The following NPEPPS variants were observed in gnomAD, a reference collection of about 807,000 sequenced individuals.
NPEPPS encodes the protein puromycin-sensitive aminopeptidase.
NPEPPS carries 14 observed loss-of-function variants against 115.5 expected under a neutral mutation model. The ratio of observed to expected loss-of-function variants is 0.12; its 90% CI spans 0.08 to 0.19. The LOEUF is 0.19. NPEPPS is among the 10% of genes least tolerant of loss of function. The pLI, the probability that NPEPPS is intolerant of heterozygous loss-of-function variation, is 1.00. For synonymous variants in NPEPPS, 285 were observed against 390.6 expected (o/e 0.73, Z 3.19); for missense variants, 523 against 1,110.8 (o/e 0.47, Z 7.52).
upstream of NPEPPS, among the ~76,000 whole-genome samples, chr17:47,529,845 GC>G (rs1013059556): frequency 8.3e-5 from 11 of 133,192 alleles, no homozygotes; most frequent in African/African-American, 3.0e-4. Context: ...CATTAAAGAG[GC>G]CATGATTGCT....
intron 9 of NPEPPS, among the ~76,000 whole-genome samples, chr17:47,588,564 CAAA>C (rs143068684): frequency 7.5e-6 from 1 of 132,812 alleles, no homozygotes. Flanking sequence ...AACTCCATCT[CAAA>C]AAAAAAAAAA....
At chr17:47,568,177 T>C (rs1431014399) in intron 2 of NPEPPS, among the ~76,000 whole-genome samples, 4 of 151,376 alleles carry the variant, frequency 2.6e-5, no homozygotes, top group African/African-American at 9.7e-5. Flanking sequence ...TTTTTTTCTT[T>C]TTTTGAGACA....
At chr17:47,537,945 G>C (rs1470439665) in intron 1 of NPEPPS, among the ~76,000 whole-genome samples, 11 of 149,788 alleles carry the variant, frequency 7.3e-5, no homozygotes, top group African/African-American at 2.7e-4. Context: ...CCAGGCTGGA[G>C]TGCAGTGGCA....
At chr17:47,605,195 T>C (rs762947545) in intron 16 of NPEPPS, 138 bp from the exon 17 acceptor site, 10 of 519,720 alleles carry the variant, frequency 1.9e-5, no homozygotes, top group Non-Finnish European at 3.4e-5. Flanking sequence ...ATTTTTATGC[T>C]AACAGTGTTC....
chr17:47,573,923 A>T (rs1439013058), intron 3 of NPEPPS, among the ~76,000 whole-genome samples: 1 of 151,850 alleles, frequency 6.6e-6, no homozygotes, highest in Non-Finnish European at 1.5e-5. Flanking sequence ...ATTACAGACT[A>T]TATATATTCT....
At chr17:47,606,488 A>T in intron 17 of NPEPPS, among the ~76,000 whole-genome samples, 2 of 145,666 alleles carry the variant, frequency 1.4e-5, no homozygotes, top group African/African-American at 2.6e-5. Context: ...ATGGAGTTTC[A>T]CTCTTGTCAC....
At chr17:47,621,268 A>G (rs1284906468) in intron 22 of NPEPPS, among the ~76,000 whole-genome samples, 1 of 152,090 alleles carries the variant, frequency 6.6e-6, no homozygotes, top group African/African-American at 2.4e-5. Context: ...CATCCCTTAC[A>G]AATTAATCTT....
Position 47,622,938 on chromosome 17 carries a change from G to A in NPEPPS, c.*1018G>A. On this transcript the variant is annotated 3_prime_UTR_variant, in exon 23 of 23. Coordinates refer to ENST00000322157, the MANE Select transcript of NPEPPS (RefSeq NM_006310.4). ...AGAAGTCAGTGGTAACTGCTGCAGG[G>A]CTTAATACATTAGTGGTAACTGGTT... The A allele has an allele frequency of 2.2e-6, 1 of 455,922 alleles. No individual in the cohort carries two copies. The highest frequency in any genetic ancestry group is 1.5e-5 in the South Asian group (1 of 64,550). The allele number at this position is 455,922 out of a possible 1,614,324, so 28.2% of individuals were successfully genotyped here.
intron 19 of NPEPPS, among the ~76,000 whole-genome samples, chr17:47,615,471 C>T (rs1005567822): frequency 2.0e-5 from 3 of 152,220 alleles, no homozygotes; most frequent in African/African-American, 4.8e-5. Flanking sequence ...GCAGGAGGAG[C>T]GCTTGAGCCC....
chr17:47,611,381 C>T (rs1275793245), intron 17 of NPEPPS, among the ~76,000 whole-genome samples: 2 of 151,502 alleles, frequency 1.3e-5, no homozygotes, highest in African/African-American at 4.8e-5. Flanking sequence ...ATTGCTTGAA[C>T]CTGGGAGGTG....
chr17:47,538,045 C>G (rs1447220281), intron 1 of NPEPPS, among the ~76,000 whole-genome samples: 4 of 151,152 alleles, frequency 2.6e-5, no homozygotes, highest in African/African-American at 9.7e-5. Context: ...AGGCATGCAC[C>G]ACCACGCCTG....
intron 3 of NPEPPS, among the ~76,000 whole-genome samples, chr17:47,571,151 T>C (rs890494672): frequency 1.3e-5 from 2 of 152,202 alleles, no homozygotes; most frequent in Non-Finnish European, 1.5e-5. Context: ...TGTAAAGTGC[T>C]TATTATAATG....
chr17:47,616,498 A>T (rs1401723128), intron 19 of NPEPPS, among the ~76,000 whole-genome samples: 1 of 152,118 alleles, frequency 6.6e-6, no homozygotes, highest in Non-Finnish European at 1.5e-5. Context: ...AGCCTGGCCC[A>T]AATGGTGAAA....
intron 2 of NPEPPS, among the ~76,000 whole-genome samples, chr17:47,556,813 T>C (rs1910074432): frequency 6.6e-6 from 1 of 152,120 alleles, no homozygotes; most frequent in African/African-American, 2.4e-5. Context: ...CCGGCTAATT[T>C]TTGTATTTTT....
intron 12 of NPEPPS, chr17:47,596,058 A>G (rs2143894585): frequency 5.5e-6 from 1 of 182,154 alleles, no homozygotes; most frequent in Non-Finnish European, 1.1e-5. Flanking sequence ...GAGGCTGAGG[A>G]GGGAAGATCA....
At chr17:47,561,391 T>C (rs550204967) in intron 2 of NPEPPS, among the ~76,000 whole-genome samples, 17 of 150,774 alleles carry the variant, frequency 1.1e-4, no homozygotes, top group Admixed American at 2.0e-4. Flanking sequence ...TGCTATGATA[T>C]TACGATATAT....
intron 17 of NPEPPS, among the ~76,000 whole-genome samples, chr17:47,606,732 A>G (rs2143935846): frequency 6.2e-4 from 1 of 1,614 alleles, no homozygotes. Flanking sequence ...ATGAGCCACT[A>G]CAGCTGGTCC....
intron 14 of NPEPPS, among the ~76,000 whole-genome samples, chr17:47,600,694 TG>T (rs1050978243): frequency 5.9e-5 from 9 of 152,210 alleles, no homozygotes; most frequent in African/African-American, 2.2e-4. Flanking sequence ...ATGAATGTAC[TG>T]GGCAAGGACT....
Position 47,576,294 on chromosome 17 carries a change from T to C in NPEPPS, c.419-3096T>C, listed in dbSNP as rs368571906. Among the ~76,000 whole-genome samples, 4 of 152,060 alleles carry C rather than the reference T, an allele frequency of 2.6e-5. No homozygotes were observed. The East Asian group carries it at 7.7e-4, about 29-fold the overall frequency. On this transcript the variant is annotated intron_variant, in intron 3 of 22. Transcript: ENST00000322157. ...TTTTGAAGAGTCAAAAACAAGATAA[T>C]AAAAAGTGGTGACACATGGCGAAAC...
Sources: gnomAD v4.1 joint callset for allele counts (sites outside exome capture counted in the v4.1 genomes callset) on GRCh38, gnomAD v4.1.1 for gene constraint, MANE v1.5 for transcripts, NCBI Gene and HGNC (gene_info 2026-07-23, HGNC 2026-07-21) for gene names.